The following KIF13B variants were observed in gnomAD, a reference collection of about 807,000 sequenced individuals.
KIF13B encodes the protein kinesin-like protein KIF13B.
Under a neutral mutation model 222.0 loss-of-function variants are expected in KIF13B, and 127 were observed. The ratio of observed to expected loss-of-function variants is 0.57; its 90% CI spans 0.50 to 0.66. KIF13B has a LOEUF of 0.66. Among genes scored for constraint, KIF13B ranks in the 30% least tolerant of loss-of-function variants. The pLI is 0.00. For missense variants in KIF13B, 2,173 were observed against 2,379.0 expected, an observed-to-expected ratio of 0.91 and a Z score of 1.80; for synonymous variants, 976 against 919.0, an observed-to-expected ratio of 1.06 and a Z score of -1.12.
intron 37 of KIF13B, among the ~76,000 whole-genome samples, chr8:29,084,986 T>C (rs1326544546): frequency 6.6e-6 from 1 of 152,160 alleles, no homozygotes; most frequent in Non-Finnish European, 1.5e-5. Flanking sequence ...CAAAAACAAA[T>C]CTCCATAAAA....
chr8:29,217,274 A>G (rs1814527750), intron 2 of KIF13B, among the ~76,000 whole-genome samples: 1 of 152,222 alleles, frequency 6.6e-6, no homozygotes, highest in Admixed American at 6.5e-5. Flanking sequence ...ACAGACAGAA[A>G]GCCATTTTCT....
chr8:29,191,170 G>A, intron 3 of KIF13B, 113 bp from the exon 4 acceptor site: 3 of 747,774 alleles, frequency 4.0e-6, no homozygotes, highest in East Asian at 2.5e-5. Flanking sequence ...TCATACAATG[G>A]GAATTAATTA....
At chr8:29,259,068 T>C (rs1816589875) in intron 1 of KIF13B, among the ~76,000 whole-genome samples, 1 of 152,212 alleles carries the variant, frequency 6.6e-6, no homozygotes, top group Admixed American at 6.5e-5. Flanking sequence ...GTAATAATAA[T>C]AGATTTGATC....
intron 14 of KIF13B, 144 bp downstream of exon 14, chr8:29,155,582 T>C: frequency 1.6e-6 from 1 of 631,728 alleles, no homozygotes; most frequent in Admixed American, 2.6e-5. Context: ...TGAGAGGCAT[T>C]AAAGCTAAAT....
At chr8:29,213,492 T>C (rs62502852) in intron 2 of KIF13B, among the ~76,000 whole-genome samples, 20,390 of 152,186 alleles carry the variant, frequency 0.13, 1,515 homozygotes, top group South Asian at 0.15. Flanking sequence ...TACGGGCAAT[T>C]TTAACCTGTG....
chr8:29,085,871 A>G (rs79209007), intron 37 of KIF13B, among the ~76,000 whole-genome samples: 4 of 150,534 alleles, frequency 2.7e-5, no homozygotes, highest in Non-Finnish European at 4.4e-5. Context: ...AAAAAAAAAA[A>G]AGAGTACCTT....
At chr8:29,248,350 A>C (rs904596644) in intron 1 of KIF13B, among the ~76,000 whole-genome samples, 3 of 152,226 alleles carry the variant, frequency 2.0e-5, no homozygotes, top group Admixed American at 1.3e-4. Flanking sequence ...TACTGAGCAA[A>C]AAAACGAATG....
Position 29,237,949 on chromosome 8 carries a change from C to G in KIF13B, c.149+7397G>C, listed in dbSNP as rs372437716. 8.5e-5 allele frequency among the ~76,000 whole-genome samples: 13 copies of G among 152,322 alleles called. No individual in the cohort carries two copies. The East Asian group carries it at 1.9e-3, about 23-fold the overall frequency. On this transcript the variant is annotated intron_variant, in intron 2 of 39. Coordinates refer to ENST00000524189, the MANE Select transcript of KIF13B (RefSeq NM_015254.4). The stretch of plus-strand genomic sequence containing the variant: ...AGAACCACGCTCTCCCCACTGTACT[C>G]TAATAAAATTAGCAGGACGGGCTCC...
intron 37 of KIF13B, among the ~76,000 whole-genome samples, chr8:29,084,149 G>A (rs879272020): frequency 2.0e-5 from 3 of 152,066 alleles, no homozygotes; most frequent in Non-Finnish European, 2.9e-5. Context: ...AACTCCTGAC[G>A]TCATGATCCG....
chr8:29,190,218 A>G (rs1252223871), intron 4 of KIF13B: 1 of 152,260 alleles, frequency 6.6e-6, no homozygotes. Context: ...TCCTAAAGGA[A>G]GGAATGCTAC....
In KIF13B at chr8:29,109,593, AC is replaced by A. The variant is rs140995064; in HGVS notation, c.4084-83del. 4.5e-5 allele frequency: 48 copies of A among 1,067,436 alleles called. No homozygotes were observed. In the African/African-American group the frequency reaches 6.9e-4, roughly 15 times the overall value. The allele number at this position is 1,067,436 out of a possible 1,614,324, so 66.1% of individuals were successfully genotyped here. On this transcript the variant is annotated intron_variant, in intron 33 of 39. Coordinates refer to ENST00000524189, the MANE Select transcript of KIF13B (RefSeq NM_015254.4). ...CAACACCATGTACAGCAGACTTGCA[AC>A]CCCCATCTATACAGACATTCCTAGC...
At chr8:29,245,549 CAATG>C in intron 1 of KIF13B, 110 bp from the exon 2 acceptor site, 1 of 726,552 alleles carries the variant, frequency 1.4e-6, no homozygotes, top group Non-Finnish European at 2.2e-6. Context: ...TGCAAACACT[CAATG>C]AAGTAGGAAT....
intron 1 of KIF13B, among the ~76,000 whole-genome samples, chr8:29,255,859 A>T (rs1816457057): frequency 1.3e-5 from 2 of 151,882 alleles, no homozygotes; most frequent in South Asian, 4.2e-4. Context: ...CTTTTGACAC[A>T]TTTTTCCTCC....
At chr8:29,231,590 C>T (rs1441448232) in intron 2 of KIF13B, among the ~76,000 whole-genome samples, 2 of 152,136 alleles carry the variant, frequency 1.3e-5, no homozygotes, top group Non-Finnish European at 2.9e-5. Context: ...TTACATGTGA[C>T]TAAAACACCA....
In KIF13B at chr8:29,191,072, C is replaced by T. The variant is rs543405255; in HGVS notation, c.163-15G>A. The T allele has an allele frequency of 3.5e-5, 56 of 1,594,190 alleles. No individual in the cohort carries two copies. The South Asian group carries it at 6.3e-4, about 18-fold the overall frequency. On this transcript the variant is annotated splice_polypyrimidine_tract_variant and intron_variant, in intron 3 of 39. Coordinates refer to ENST00000524189, the MANE Select transcript of KIF13B (RefSeq NM_015254.4). ...TAAGCAAACACCTGTTGAAAATGAA[C>T]ATAAGTGTGTGTTAAGAAAACCTCA... is the stretch of plus-strand genomic sequence containing the variant.
At chr8:29,185,418 A>G (rs1812883924) in intron 6 of KIF13B, among the ~76,000 whole-genome samples, 1 of 152,232 alleles carries the variant, frequency 6.6e-6, no homozygotes, top group South Asian at 2.1e-4. Flanking sequence ...TTCTGTCCAC[A>G]CTGTGAGTTC....
At chr8:29,129,064 A>T (rs1226115804) in intron 24 of KIF13B, among the ~76,000 whole-genome samples, 1 of 152,162 alleles carries the variant, frequency 6.6e-6, no homozygotes, top group Non-Finnish European at 1.5e-5. Context: ...AGTTGGTGAA[A>T]ATTGCGGTTT....
At chr8:29,170,603 G>T (rs1812194493) in intron 10 of KIF13B, among the ~76,000 whole-genome samples, 1 of 152,186 alleles carries the variant, frequency 6.6e-6, no homozygotes, top group African/African-American at 2.4e-5. Flanking sequence ...GGAGGGAGGA[G>T]AGACTGAAGA....
At position 29,092,813 on chromosome 8, in the gene KIF13B, G is replaced by T. The variant is rs1326952267; in HGVS notation, c.4390C>A (p.Leu1464Ile). The T allele has an allele frequency of 6.2e-7, 1 of 1,613,150 alleles. No individual in the cohort carries two copies. The highest frequency in any genetic ancestry group is 1.3e-5 in the African/African-American group (1 of 74,878). ...CGGACGGGAAAGAGAGACTTGAGGA[G>T]CTTTGGCATTTGCGGCACGAAGGAT... ...VKSFVPQMPK[L>I]LKSLFPVRDE... Residue 1464 changes from leucine to isoleucine, a missense_variant, in exon 37 of 40, where the codon CTC becomes ATC. Leu to Ile is a conservative substitution (Grantham distance 5, BLOSUM62 2). Coordinates refer to ENST00000524189, the MANE Select transcript of KIF13B (RefSeq NM_015254.4).
Sources: allele counts gnomAD v4.1 joint callset (sites outside exome capture counted in the v4.1 genomes callset), GRCh38; gene constraint gnomAD v4.1.1; transcripts MANE v1.5; gene names NCBI Gene and HGNC (gene_info 2026-07-23, HGNC 2026-07-21).